Variants in YAP1 observed in about 807,000 individuals in gnomAD.
YAP1 encodes Yes1 associated transcriptional regulator.
Under a neutral mutation model 56.9 loss-of-function variants are expected in YAP1, and 5 were observed. The ratio of observed to expected loss-of-function variants is 0.09; its 90% CI spans 0.05 to 0.18. YAP1 has a LOEUF of 0.18. Among genes scored for constraint, YAP1 ranks in the 10% least tolerant of loss-of-function variants. The pLI is 1.00. For synonymous variants in YAP1, 265 were observed against 248.1 expected, an observed-to-expected ratio of 1.07 and a Z score of -0.64; for missense variants, 539 against 651.8, an observed-to-expected ratio of 0.83 and a Z score of 1.88.
In YAP1 at chr11:102,231,945, A is replaced by G. The variant is rs1274676608; in HGVS notation, c.*2005A>G. 2 of 152,608 alleles carry G rather than the reference A, an allele frequency of 1.3e-5. No homozygotes were observed. Among genetic ancestry groups the G allele is most frequent in the Non-Finnish European group, 2.9e-5 (2 of 68,026 alleles). The allele number at this position is 152,608 out of a possible 1,614,324, so 9.5% of individuals were successfully genotyped here. A position where few individuals can be genotyped will look rare whatever the true frequency, so the allele number is the denominator to read the frequency against. On this transcript the variant is annotated 3_prime_UTR_variant, in exon 9 of 9. Transcript: ENST00000282441. ...TACTTTCAGTGCTCAAAAAAATGCA[A>G]TCACTGTGTTGTATATAATAGTTCA...
chr11:102,219,880 C>T (rs1222921570), intron 6 of YAP1, among the ~76,000 whole-genome samples: 10 of 151,986 alleles, frequency 6.6e-5, no homozygotes, highest in East Asian at 2.0e-4. Flanking sequence ...TACAGGCATA[C>T]GCCACCACGC....
intron 4 of YAP1, 100 bp downstream of exon 4, chr11:102,186,231 A>G (rs2135509721): frequency 7.5e-7 from 1 of 1,337,266 alleles, no homozygotes; most frequent in Non-Finnish European, 1.0e-6. Context: ...GCATTGCTTT[A>G]TAGTATTAAA....
At chr11:102,172,012 A>G (rs1414018762) in intron 3 of YAP1, among the ~76,000 whole-genome samples, 1 of 152,062 alleles carries the variant, frequency 6.6e-6, no homozygotes, top group African/African-American at 2.4e-5. Flanking sequence ...CAACATGGTG[A>G]AACCCCGTCT....
intron 7 of YAP1, among the ~76,000 whole-genome samples, 172 bp from the exon 8 acceptor site, chr11:102,227,297 C>T (rs934312210): frequency 2.0e-5 from 3 of 152,206 alleles, no homozygotes; most frequent in South Asian, 2.1e-4. Context: ...CACTTCATAG[C>T]ACAAGCCCTG....
intron 8 of YAP1, among the ~76,000 whole-genome samples, chr11:102,228,952 A>G (rs1419805699): frequency 6.6e-6 from 1 of 152,142 alleles, no homozygotes; most frequent in East Asian, 1.9e-4. Flanking sequence ...TAGATGTTAA[A>G]TCATCCTTAG....
chr11:102,196,789 G>A (rs1424858854), intron 4 of YAP1, among the ~76,000 whole-genome samples: 1 of 152,024 alleles, frequency 6.6e-6, no homozygotes, highest in Non-Finnish European at 1.5e-5. Context: ...TGTCATTTAG[G>A]TATATAGTGT....
At chr11:102,187,878 C>A (rs1468471895) in intron 4 of YAP1, among the ~76,000 whole-genome samples, 3 of 152,174 alleles carry the variant, frequency 2.0e-5, no homozygotes, top group Non-Finnish European at 4.4e-5. Context: ...TCATAAAATT[C>A]TCTTATTGCA....
chr11:102,149,764 CTCTT>C (rs1485411238), intron 2 of YAP1, among the ~76,000 whole-genome samples: 2 of 152,110 alleles, frequency 1.3e-5, no homozygotes, highest in Admixed American at 6.6e-5. Context: ...AATTTTCCTC[CTCTT>C]TCTTGTTCTG....
At chr11:102,209,773 G>T (rs1949304078) in intron 6 of YAP1, among the ~76,000 whole-genome samples, 1 of 152,082 alleles carries the variant, frequency 6.6e-6, no homozygotes, top group Non-Finnish European at 1.5e-5. Context: ...CTCCTAGGGA[G>T]TTTCTGTTTA....
chr11:102,166,590 C>T (rs1365329), intron 3 of YAP1, among the ~76,000 whole-genome samples: 3,687 of 152,212 alleles, frequency 0.024, 116 homozygotes, highest in African/African-American at 0.082. Context: ...AAATGGCTTC[C>T]GTGAAGCAGG....
At chr11:102,139,428 C>G (rs1411198946) in intron 2 of YAP1, among the ~76,000 whole-genome samples, 2 of 152,158 alleles carry the variant, frequency 1.3e-5, no homozygotes. Flanking sequence ...ATCCTGCAGT[C>G]TGTGTGGAGT....
At chr11:102,223,395 TG>T (rs566651904) in intron 6 of YAP1, among the ~76,000 whole-genome samples, 1 of 149,692 alleles carries the variant, frequency 6.7e-6, no homozygotes, top group African/African-American at 2.5e-5. Flanking sequence ...GTATATAGGG[TG>T]GGGGGTGGTT....
In YAP1 at chr11:102,232,512, A is replaced by G. The variant is rs1183336483; in HGVS notation, c.*2572A>G. On this transcript the variant is annotated 3_prime_UTR_variant, in exon 9 of 9. Coordinates refer to ENST00000282441, the MANE Select transcript of YAP1 (RefSeq NM_001130145.3). ...GTAGCAGTACTGTGATACCTGGCAC[A>G]GTGCTTTGATCTTACGATGCCCTCT... 3 of 152,418 alleles carry G rather than the reference A, an allele frequency of 2.0e-5. No individual in the cohort carries two copies. The highest frequency in any genetic ancestry group is 7.2e-5 in the African/African-American group (3 of 41,440). The allele number at this position is 152,418 out of a possible 1,614,324, so 9.4% of individuals were successfully genotyped here. A position where few individuals can be genotyped will look rare whatever the true frequency, so the allele number is the denominator to read the frequency against.
At chr11:102,207,596 T>G (rs1001702105) in intron 5 of YAP1, among the ~76,000 whole-genome samples, 3 of 152,110 alleles carry the variant, frequency 2.0e-5, no homozygotes, top group Non-Finnish European at 4.4e-5. Flanking sequence ...TTTTGTTTTT[T>G]GGGTTTTTTT....
chr11:102,122,297 G>A (rs543761892), intron 2 of YAP1, among the ~76,000 whole-genome samples: 3 of 152,006 alleles, frequency 2.0e-5, no homozygotes, highest in African/African-American at 7.2e-5. Context: ...GCCCATGCCT[G>A]TAATCCCAGC....
intron 6 of YAP1, among the ~76,000 whole-genome samples, chr11:102,211,811 C>T (rs556659291): frequency 2.0e-5 from 3 of 152,142 alleles, no homozygotes; most frequent in Non-Finnish European, 4.4e-5. Flanking sequence ...TCAAGCAATT[C>T]TCCTGCCTCA....
At chr11:102,221,781 A>G (rs1015779561) in intron 6 of YAP1, among the ~76,000 whole-genome samples, 1 of 152,156 alleles carries the variant, frequency 6.6e-6, no homozygotes, top group Non-Finnish European at 1.5e-5. Context: ...CTACTGTAGC[A>G]TTGAAATAGC....
At chr11:102,186,814 A>ATTGTGTGTGTGTGTGTGTG (rs3221111) in intron 4 of YAP1, 1 of 138,418 alleles carries the variant, frequency 7.2e-6, no homozygotes, top group East Asian at 2.1e-4. Context: ...TTTTTAAAAA[A>ATTGTGTGTGTGTGTGTGTG]TGTGTGTGTG....
At chr11:102,161,470 GTTC>G (rs1243940508) in intron 2 of YAP1, among the ~76,000 whole-genome samples, 1 of 150,684 alleles carries the variant, frequency 6.6e-6, no homozygotes, top group Non-Finnish European at 1.5e-5. Context: ...CATATTATAT[GTTC>G]TTCTAAAACA....
Sources: allele counts gnomAD v4.1 joint callset (sites outside exome capture counted in the v4.1 genomes callset), GRCh38; gene constraint gnomAD v4.1.1; transcripts MANE v1.5; gene names NCBI Gene and HGNC (gene_info 2026-07-23, HGNC 2026-07-21).